The following PHEX variants were observed in gnomAD, a reference collection of about 807,000 sequenced individuals.
PHEX encodes the protein phosphate-regulating neutral endopeptidase PHEX.
PHEX carries 16 observed loss-of-function variants against 68.0 expected under a neutral mutation model. The ratio of observed to expected loss-of-function variants is 0.24; its 90% CI spans 0.16 to 0.36. The LOEUF is 0.36. Ranked by LOEUF, PHEX falls within the 10% of genes least tolerant of loss-of-function variation. The pLI, the probability that PHEX is intolerant of heterozygous loss-of-function variation, is 1.00. For missense variants in PHEX, 480 were observed against 575.5 expected, an observed-to-expected ratio of 0.83 and a Z score of 1.70; for synonymous variants, 208 against 205.1, an observed-to-expected ratio of 1.01 and a Z score of -0.12.
chrX:22,225,351 G>A (rs187019671), intron 18 of PHEX, among the ~76,000 whole-genome samples: 35 of 111,111 alleles, frequency 3.2e-4, no homozygotes, highest in African/African-American at 1.1e-3. Context: ...CATTTTGTGG[G>A]GACCATTCCT....
At chrX:22,072,379 C>T (rs1485248448) in intron 3 of PHEX, among the ~76,000 whole-genome samples, 1 of 111,370 alleles carries the variant, frequency 9.0e-6, no homozygotes, top group African/African-American at 3.3e-5. Context: ...CCACTGCACT[C>T]CAGCCTGGGC....
intron 1 of PHEX, among the ~76,000 whole-genome samples, chrX:22,038,099 A>C (rs979523542): frequency 9.9e-5 from 11 of 110,831 alleles, no homozygotes; most frequent in African/African-American, 3.6e-4. Flanking sequence ...GTTAAACCGC[A>C]GATGGCTGGG....
At chrX:22,146,417 G>T (rs184418075) in intron 12 of PHEX, among the ~76,000 whole-genome samples, 35 of 112,187 alleles carry the variant, frequency 3.1e-4, no homozygotes, top group African/African-American at 9.4e-4. Context: ...TTTCAGTGTT[G>T]ATCATCAAGA....
intron 17 of PHEX, 120 bp from the exon 18 acceptor site, chrX:22,221,493 A>T: frequency 3.4e-6 from 2 of 589,456 alleles, no homozygotes; most frequent in South Asian, 2.5e-5. Flanking sequence ...AGCTGATCTC[A>T]GGAAGAGTGT....
intron 20 of PHEX, among the ~76,000 whole-genome samples, chrX:22,239,288 C>CA (rs910140455): frequency 1.8e-5 from 2 of 111,570 alleles, no homozygotes; most frequent in African/African-American, 6.5e-5. Flanking sequence ...GAAACCAGTG[C>CA]AAAAAGGCTG....
In PHEX at chrX:22,106,797, C is replaced by A. The variant is rs868348284; in HGVS notation, c.1080-4670C>A. Among the ~76,000 whole-genome samples, 622 of 83,356 alleles carry A rather than the reference C, an allele frequency of 7.5e-3. 3 individuals carry two copies. The highest frequency in any genetic ancestry group is 0.028 in the African/African-American group (488 of 17,233). 72.4% of individuals were successfully genotyped at this position (83,356 alleles called of 115,157 possible). On this transcript the variant is annotated intron_variant, in intron 9 of 21. Transcript: ENST00000379374. ...CTGTCTCAAAAAAAAAAAAAAAAAACCAAATAGAGGCTTTAATTCATCACT... is the reference window on the plus strand; with the variant it reads ...CTGTCTCAAAAAAAAAAAAAAAAAAACAAATAGAGGCTTTAATTCATCACT...
At chrX:22,135,342 A>G (rs1932183521) in intron 12 of PHEX, among the ~76,000 whole-genome samples, 1 of 111,996 alleles carries the variant, frequency 8.9e-6, no homozygotes, top group South Asian at 3.7e-4. Context: ...TTGCTGAGCT[A>G]GCTTGTGGTA....
chrX:22,107,649 A>C (rs1230711698), intron 9 of PHEX, among the ~76,000 whole-genome samples: 1 of 111,827 alleles, frequency 8.9e-6, no homozygotes, highest in Non-Finnish European at 1.9e-5. Context: ...TGCAACACCA[A>C]AGCCTTTTAA....
At chrX:22,037,324 C>T (rs1462075646) in intron 1 of PHEX, among the ~76,000 whole-genome samples, 1 of 110,804 alleles carries the variant, frequency 9.0e-6, no homozygotes, top group Non-Finnish European at 1.9e-5. Context: ...ATAGGTACTG[C>T]CGAGCTTTCT....
Position 22,249,455 on chromosome X carries a change from A to AAAATATATATATATATATATATATAT in PHEX, c.*1503_*1504insAATATATATATATATATATATATATA. The AAAATATATATATATATATATATATAT allele has an allele frequency of 1.3e-4, 5 of 39,754 alleles. No homozygotes were observed. The highest frequency in any genetic ancestry group is 1.7e-4 in the African/African-American group (1 of 6,015). 3.3% of individuals were successfully genotyped at this position (39,754 alleles called of 1,213,427 possible). ...TTGTGATTCTTTTAAAAAAAAAAAA[A>AAAATATATATATATATATATATATAT]ATATATATATATATATATATATATA... On this transcript the variant is annotated 3_prime_UTR_variant, in exon 22 of 22. Coordinates refer to ENST00000379374, the MANE Select transcript of PHEX (RefSeq NM_000444.6).
intron 5 of PHEX, among the ~76,000 whole-genome samples, chrX:22,079,787 G>A (rs1240900039): frequency 9.0e-6 from 1 of 110,891 alleles, no homozygotes; most frequent in African/African-American, 3.3e-5. Flanking sequence ...CTGTTTTCAG[G>A]GTAATCTAAT....
At chrX:22,044,554 C>CA (rs1270002021) in intron 2 of PHEX, among the ~76,000 whole-genome samples, 4 of 107,273 alleles carry the variant, frequency 3.7e-5, no homozygotes, top group Admixed American at 1.0e-4. Context: ...ACTAAAAATA[C>CA]AAAAAAAAAT....
At chrX:22,117,047 T>C (rs926275273) in intron 11 of PHEX, among the ~76,000 whole-genome samples, 1 of 111,940 alleles carries the variant, frequency 8.9e-6, no homozygotes, top group Non-Finnish European at 1.9e-5. Flanking sequence ...TTAGATTAAG[T>C]AAACTTACTG....
chrX:22,241,635 C>T (rs1280638943), intron 20 of PHEX, among the ~76,000 whole-genome samples: 2 of 112,119 alleles, frequency 1.8e-5, no homozygotes, highest in African/African-American at 3.2e-5. Context: ...TCAGAGAATA[C>T]TATAAACACC....
At chrX:22,051,177 A>G (rs1213518626) in intron 3 of PHEX, among the ~76,000 whole-genome samples, 2 of 112,420 alleles carry the variant, frequency 1.8e-5, no homozygotes, top group African/African-American at 3.2e-5. Flanking sequence ...ATATGTCAAG[A>G]AGGAGAGCAA....
chrX:22,072,681 G>C (rs1399042999), intron 3 of PHEX, among the ~76,000 whole-genome samples: 1 of 112,252 alleles, frequency 8.9e-6, no homozygotes, highest in Non-Finnish European at 1.9e-5. Context: ...CTATAAATAT[G>C]TGATATAGAC....
chrX:22,039,479 G>A (rs1927176112), intron 2 of PHEX, among the ~76,000 whole-genome samples: 1 of 112,148 alleles, frequency 8.9e-6, no homozygotes, highest in Non-Finnish European at 1.9e-5. Context: ...CCGAGATGGG[G>A]CCAGTTGGGA....
At position 22,186,665 on chromosome X, in the gene PHEX, G is replaced by A. The variant is rs138945781; in HGVS notation, c.1587-3779G>A. On this transcript the variant is annotated intron_variant, in intron 14 of 21. Coordinates refer to ENST00000379374, the MANE Select transcript of PHEX (RefSeq NM_000444.6). ...TCTGGGTATTATCAAGTCTCCATAC[G>A]TGCCCTAGAGTCAATAAGAGCCCTG... Among the ~76,000 whole-genome samples, 873 of 111,807 alleles carry A rather than the reference G, an allele frequency of 7.8e-3. 7 individuals carry two copies. The highest frequency in any genetic ancestry group is 0.027 in the African/African-American group (843 of 30,730).
chrX:22,171,731 A>G (rs1043215293), intron 13 of PHEX: 1 of 112,109 alleles, frequency 8.9e-6, no homozygotes, highest in African/African-American at 3.2e-5. Flanking sequence ...GGGCAATAGC[A>G]AAAAGACTGA....
Sources: gnomAD v4.1 joint callset for allele counts (sites outside exome capture counted in the v4.1 genomes callset) on GRCh38, gnomAD v4.1.1 for gene constraint, MANE v1.5 for transcripts, NCBI Gene and HGNC (gene_info 2026-07-23, HGNC 2026-07-21) for gene names.